PCDHGB6: variants seen among roughly 807,000 people sequenced by gnomAD.
PCDHGB6 encodes protocadherin gamma-B6.
PCDHGB6 carries 51 observed loss-of-function variants against 59.1 expected under a neutral mutation model. The observed-to-expected ratio is 0.86, with a 90% confidence interval of 0.69 to 1.09. PCDHGB6 has a LOEUF of 1.09. Ranked by LOEUF, PCDHGB6 falls within the 50% of genes least tolerant of loss-of-function variation. PCDHGB6 has a pLI of 0.00. For missense variants in PCDHGB6, 1,148 were observed against 1,205.1 expected (o/e 0.95, Z 0.70); for synonymous variants, 466 against 495.1 (o/e 0.94, Z 0.78).
chr5:141,446,482 C>A (rs961785845), intron 1 of PCDHGB6, among the ~76,000 whole-genome samples: 2 of 146,988 alleles, frequency 1.4e-5, no homozygotes, highest in Non-Finnish European at 3.0e-5. Flanking sequence ...GGTCATCATT[C>A]TTTTTTTTTT....
intron 1 of PCDHGB6, chr5:141,478,920 CCAGTGG>C: frequency 2.7e-6 from 2 of 728,392 alleles, no homozygotes; most frequent in South Asian, 4.5e-5. Flanking sequence ...ATACCTCTAA[CCAGTGG>C]CAGCTTCTAG....
chr5:141,408,889 A>T lies in PCDHGB6; in HGVS notation c.687A>T (p.Glu229Asp). Reference protein sequence around the residue: ...DPPRSATAHIEISVKDTNDNP... With the variant: ...DPPRSATAHIDISVKDTNDNP... ...CAAGAAGTGCCACCGCTCACATAGA[A>T]ATTTCTGTCAAGGATACCAATGATA... Residue 229 changes from glutamate (E) to aspartate (D), a missense_variant, in exon 1 of 4, where the codon GAA becomes GAT. By Grantham distance (45) the Glu-to-Asp change is conservative. Coordinates refer to ENST00000520790, the MANE Select transcript of PCDHGB6 (RefSeq NM_018926.3). 3 of 1,613,232 alleles carry T rather than the reference A, an allele frequency of 1.9e-6. No individual in the cohort carries two copies. The highest frequency in any genetic ancestry group is 2.5e-6 in the Non-Finnish European group (3 of 1,179,642).
chr5:141,507,553 C>T (rs1382652977), intron 3 of PCDHGB6, among the ~76,000 whole-genome samples: 4 of 152,192 alleles, frequency 2.6e-5, no homozygotes, highest in Admixed American at 2.0e-4. Flanking sequence ...ATGAAAGTGG[C>T]AGGCGGCTGG....
intron 1 of PCDHGB6, chr5:141,427,785 TC>T: frequency 6.8e-7 from 1 of 1,470,156 alleles, no homozygotes; most frequent in Non-Finnish European, 9.4e-7. Flanking sequence ...GGCACTGTCG[TC>T]CTACGTGTCC....
At chr5:141,503,116 A>G (rs1303445673) in intron 2 of PCDHGB6, among the ~76,000 whole-genome samples, 11 of 151,656 alleles carry the variant, frequency 7.3e-5, no homozygotes, top group Admixed American at 4.6e-4. Flanking sequence ...GCCTCTCTTC[A>G]TACCCTCTGG....
In PCDHGB6 at chr5:141,413,348, T is replaced by C. The variant is rs1217580039; in HGVS notation, c.2418+2728T>C. On this transcript the variant is annotated intron_variant, in intron 1 of 3. Transcript: ENST00000520790. The stretch of plus-strand genomic sequence containing the variant: ...GGCAACATCTCCAAGGACTTGGGTC[T>C]GGCGCCCCGGGAGCTGGCGGAGCGC... The C allele has an allele frequency of 1.9e-6, 3 of 1,613,872 alleles. No homozygotes were observed. In the Admixed American group the frequency reaches 5.0e-5, roughly 27 times the overall value.
At chr5:141,454,483 C>T (rs1434684795) in intron 1 of PCDHGB6, among the ~76,000 whole-genome samples, 9 of 151,684 alleles carry the variant, frequency 5.9e-5, no homozygotes, top group African/African-American at 9.7e-5. Flanking sequence ...CTCAGCTCAC[C>T]GCAACCTCCA....
At chr5:141,415,045 G>A (rs2095819214) in intron 1 of PCDHGB6, 23 of 1,613,538 alleles carry the variant, frequency 1.4e-5, no homozygotes, top group Non-Finnish European at 1.8e-5. Flanking sequence ...CTTCGCGGTG[G>A]GGGAGCACAC....
intron 1 of PCDHGB6, among the ~76,000 whole-genome samples, chr5:141,483,611 A>G (rs2099583566): frequency 6.6e-6 from 1 of 151,952 alleles, no homozygotes; most frequent in South Asian, 2.1e-4. Context: ...TTACACCTCC[A>G]TCATTCCCAT....
intron 1 of PCDHGB6, 161 bp from the exon 2 acceptor site, chr5:141,494,646 T>C (rs1324048407): frequency 1.1e-6 from 1 of 935,836 alleles, no homozygotes; most frequent in East Asian, 1.2e-4. Flanking sequence ...AGACCTGAGG[T>C]GTATTTTGTC....
At chr5:141,488,620 C>A (rs1271344928) in intron 1 of PCDHGB6, among the ~76,000 whole-genome samples, 1 of 152,164 alleles carries the variant, frequency 6.6e-6, no homozygotes, top group East Asian at 1.9e-4. Context: ...CTAATCTTTT[C>A]TCTCACCTTA....
intron 1 of PCDHGB6, chr5:141,422,357 C>G: frequency 6.4e-7 from 1 of 1,557,656 alleles, no homozygotes; most frequent in African/African-American, 1.4e-5. Flanking sequence ...GATCAAGATT[C>G]TGGAGAAAAT....
intron 1 of PCDHGB6, chr5:141,440,405 CCACTG>C (rs2098176019): frequency 6.6e-6 from 1 of 152,126 alleles, no homozygotes; most frequent in South Asian, 2.1e-4. Flanking sequence ...GGCAATCGCA[CCACTG>C]CACTCCAGCC....
rs770093591 is a variant in PCDHGB6 at position 141,486,147 on chromosome 5, G to T, written c.2419-8660G>T. ...GAATTTGATGTGCGGGCTCGCGATG[G>T]GGGTTCTCCAGCCATGGAGCAACAT... On this transcript the variant is annotated intron_variant, in intron 1 of 3. Transcript: ENST00000520790. This position sits in a 1 kb window ranked among gnomAD's most constrained non-coding sequence, Gnocchi z 5.0. The T allele has an allele frequency of 6.2e-7, 1 of 1,614,168 alleles. No individual in the cohort carries two copies. The highest frequency in any genetic ancestry group is 1.7e-5 in the Admixed American group (1 of 60,028).
Position 141,476,836 on chromosome 5 carries a change from T to G in PCDHGB6, c.2419-17971T>G. 1 of 1,613,652 alleles carries G rather than the reference T, an allele frequency of 6.2e-7. No homozygotes were observed. The highest frequency in any genetic ancestry group is 8.5e-7 in the Non-Finnish European group (1 of 1,180,042). On this transcript the variant is annotated intron_variant, in intron 1 of 3. Coordinates refer to ENST00000520790, the MANE Select transcript of PCDHGB6 (RefSeq NM_018926.3). The surrounding 1 kb of genome is among the most constrained non-coding windows in gnomAD (Gnocchi z 7.6). ...TCAAGGTGCTGGACGCGAATGACAATGCGCCTGTCTTCAACCAGTCCTTGT... is the reference window on the plus strand; with the variant it reads ...TCAAGGTGCTGGACGCGAATGACAAGGCGCCTGTCTTCAACCAGTCCTTGT...
chr5:141,473,186 T>C (rs984810414), intron 1 of PCDHGB6, among the ~76,000 whole-genome samples: 1 of 152,134 alleles, frequency 6.6e-6, no homozygotes, highest in African/African-American at 2.4e-5. Flanking sequence ...CTTGAAGGAG[T>C]AAATGTATCT....
Position 141,512,288 on chromosome 5 carries a change from TCAGCGGAGCCCCAGCAGGAAGGGTGGGC to T in PCDHGB6, c.*1120_*1147del, listed in dbSNP as rs1375137843. The T allele has an allele frequency of 6.5e-6, 1 of 152,680 alleles. No individual in the cohort carries two copies. Among genetic ancestry groups the T allele is most frequent in the Non-Finnish European group, 1.5e-5 (1 of 68,182 alleles). The allele number at this position is 152,680 out of a possible 1,614,324, so 9.5% of individuals were successfully genotyped here. ...TCCAGAGGTGCCACTGGTGGAAGGG[TCAGCGGAGCCCCAGCAGGAAGGGTGGGC>T]CAGCCAGGCCATTCTTAGTCCCTGG... On this transcript the variant is annotated 3_prime_UTR_variant, in exon 4 of 4. Coordinates refer to ENST00000520790, the MANE Select transcript of PCDHGB6 (RefSeq NM_018926.3).
intron 1 of PCDHGB6, chr5:141,430,540 G>T: frequency 2.6e-6 from 1 of 386,954 alleles, no homozygotes; most frequent in Admixed American, 4.2e-5. Flanking sequence ...GACTCTGAGC[G>T]CCGCTGTTCA....
intron 1 of PCDHGB6, chr5:141,412,426 A>G (rs1051574976): frequency 2.6e-5 from 4 of 152,234 alleles, no homozygotes; most frequent in African/African-American, 9.6e-5. Context: ...GTTTTACACA[A>G]AAAGGTTAAT....
Sources: allele counts gnomAD v4.1 joint callset (sites outside exome capture counted in the v4.1 genomes callset), GRCh38; gene constraint gnomAD v4.1.1; non-coding constraint Gnocchi (gnomAD v3.1); transcripts MANE v1.5; gene names NCBI Gene and HGNC (gene_info 2026-07-23, HGNC 2026-07-21).